The following NELL1 variants were observed in gnomAD, a reference collection of about 807,000 sequenced individuals.
NELL1 encodes protein kinase C-binding protein NELL1.
In NELL1, 76 loss-of-function variants were observed where a neutral mutation model predicts 107.4. The ratio of observed to expected loss-of-function variants is 0.71; its 90% confidence interval spans 0.59 to 0.86. The LOEUF (loss-of-function observed/expected upper bound fraction) is 0.86. Among genes scored for constraint, NELL1 ranks in the 40% least tolerant of loss-of-function variants. The probability of loss-of-function intolerance (pLI) is 0.00; values close to 1 mark genes in which losing one functional copy is unlikely to be tolerated. For synonymous variants in NELL1, 353 were observed against 341.2 expected (o/e 1.03, Z -0.38); for missense variants, 1,024 against 1,005.5 (o/e 1.02, Z -0.25).
In NELL1 at chr11:21,427,289, T is replaced by C. The variant is rs570853357; in HGVS notation, c.1645+56341T>C. ...ACATAAAACCTAACAGTAAAGGGGA[T>C]TCTGGACTATGTAATTCTCAATCTC... is the stretch of plus-strand genomic sequence containing the variant. On this transcript the variant is annotated intron_variant, in intron 15 of 19. Transcript: ENST00000357134. Among the ~76,000 whole-genome samples, 13 of 152,350 alleles carry C rather than the reference T, an allele frequency of 8.5e-5. No homozygotes were observed. The East Asian group carries it at 1.2e-3, about 14-fold the overall frequency.
At chr11:20,893,575 G>T (rs934233664) in intron 5 of NELL1, among the ~76,000 whole-genome samples, 1 of 151,366 alleles carries the variant, frequency 6.6e-6, no homozygotes, top group African/African-American at 2.4e-5. Flanking sequence ...CAAAATAATA[G>T]AAATCATGTT....
At chr11:21,538,002 TCTTAATAA>T (rs1167944454) in intron 16 of NELL1, among the ~76,000 whole-genome samples, 12 of 152,288 alleles carry the variant, frequency 7.9e-5, no homozygotes, top group Admixed American at 2.6e-4. Flanking sequence ...GTACTCTGGA[TCTTAATAA>T]CATAGCTTAA....
intron 3 of NELL1, among the ~76,000 whole-genome samples, chr11:20,816,431 A>T (rs1483330222): frequency 2.0e-5 from 3 of 152,124 alleles, no homozygotes; most frequent in East Asian, 1.9e-4. Context: ...TTAGTTCTTG[A>T]TTTGGCTCTC....
intron 12 of NELL1, among the ~76,000 whole-genome samples, chr11:21,014,610 C>T (rs955473024): frequency 6.6e-5 from 10 of 152,058 alleles, no homozygotes; most frequent in African/African-American, 2.4e-4. Context: ...AATTATTTGC[C>T]TGCAAATTGC....
chr11:21,363,495 T>C (rs1288991222), intron 14 of NELL1, among the ~76,000 whole-genome samples: 1 of 152,182 alleles, frequency 6.6e-6, no homozygotes, highest in Non-Finnish European at 1.5e-5. Context: ...ATTGGTGAAT[T>C]CCTTCAGTTT....
intron 2 of NELL1, among the ~76,000 whole-genome samples, chr11:20,681,695 T>G (rs1424994778): frequency 6.6e-6 from 1 of 152,090 alleles, no homozygotes; most frequent in Non-Finnish European, 1.5e-5. Context: ...ATTTATTATC[T>G]TATACTTCTA....
chr11:20,719,853 T>C (rs1272278663), intron 2 of NELL1, among the ~76,000 whole-genome samples: 1 of 152,068 alleles, frequency 6.6e-6, no homozygotes, highest in Non-Finnish European at 1.5e-5. Context: ...ATACTCACAA[T>C]TAATTTTGAG....
chr11:21,085,351 A>C (rs947758404), intron 12 of NELL1, among the ~76,000 whole-genome samples: 3 of 152,174 alleles, frequency 2.0e-5, no homozygotes. Flanking sequence ...AGTTTATTTT[A>C]GTCTGGGCAC....
chr11:21,440,781 G>C (rs918321564), intron 15 of NELL1, among the ~76,000 whole-genome samples: 5 of 152,114 alleles, frequency 3.3e-5, no homozygotes, highest in African/African-American at 7.2e-5. Flanking sequence ...GGAATAAAAG[G>C]CCTTGGTATT....
chr11:20,967,102 G>T (rs1485752285), intron 12 of NELL1, among the ~76,000 whole-genome samples: 1 of 152,020 alleles, frequency 6.6e-6, no homozygotes, highest in East Asian at 1.9e-4. Context: ...TTATTTGCAA[G>T]ATATATGCAG....
chr11:20,847,613 G>T lies in NELL1; in HGVS notation c.366G>T (p.Arg122Ser), dbSNP rs267602818. Residue 122 changes from arginine (R) to serine (S), a missense_variant, in exon 4 of 20, where the codon AGG (arginine) becomes AGT (serine). Transcript: ENST00000357134. ...TTGAACTGGAGAGCAGTGGCCTGAG[G>T]GATGAGATTCGGTATCACTACATAC... ...SYFELESSGL[R>S]DEIRYHYIHN... 3 of 1,613,724 alleles carry T rather than the reference G, an allele frequency of 1.9e-6. No individual in the cohort carries two copies. In the East Asian group the frequency reaches 6.7e-5, roughly 36 times the overall value.
At chr11:21,057,274 A>T (rs1853635722) in intron 12 of NELL1, among the ~76,000 whole-genome samples, 1 of 152,082 alleles carries the variant, frequency 6.6e-6, no homozygotes, top group African/African-American at 2.4e-5. Context: ...GATTAGATGC[A>T]TTTTTCATCT....
At chr11:21,565,682 G>T (rs1009267118) in intron 17 of NELL1, among the ~76,000 whole-genome samples, 1 of 151,858 alleles carries the variant, frequency 6.6e-6, no homozygotes, top group African/African-American at 2.4e-5. Flanking sequence ...CATCACAGTG[G>T]AAAATCATTG....
At chr11:21,263,216 C>T (rs961536484) in intron 14 of NELL1, among the ~76,000 whole-genome samples, 2 of 151,808 alleles carry the variant, frequency 1.3e-5, no homozygotes, top group African/African-American at 4.8e-5. Context: ...TTTGCTGTGG[C>T]TTTTGTCTTT....
At chr11:20,846,747 G>A (rs1848708181) in intron 3 of NELL1, among the ~76,000 whole-genome samples, 1 of 152,156 alleles carries the variant, frequency 6.6e-6, no homozygotes, top group African/African-American at 2.4e-5. Flanking sequence ...GAAATACCTA[G>A]TGCAAGCCCT....
intron 12 of NELL1, among the ~76,000 whole-genome samples, chr11:21,011,911 T>C (rs1398638188): frequency 2.6e-5 from 4 of 152,174 alleles, no homozygotes; most frequent in African/African-American, 9.6e-5. Flanking sequence ...TTTATTTTCA[T>C]GTTCAACTTC....
intron 2 of NELL1, among the ~76,000 whole-genome samples, chr11:20,726,839 A>G (rs1855520026): frequency 6.6e-6 from 1 of 151,708 alleles, no homozygotes; most frequent in Non-Finnish European, 1.5e-5. Context: ...GAGTGAGAAC[A>G]TGCAGTGTTT....
At chr11:20,797,565 C>CGAAAAAAAAA (rs1857196760) in intron 3 of NELL1, among the ~76,000 whole-genome samples, 1 of 69,296 alleles carries the variant, frequency 1.4e-5, no homozygotes, top group African/African-American at 6.2e-5. Context: ...GACTCCATCT[C>CGAAAAAAAAA]AAAAAAAAAA....
At chr11:20,974,940 A>G (rs956222218) in intron 12 of NELL1, among the ~76,000 whole-genome samples, 1 of 152,100 alleles carries the variant, frequency 6.6e-6, no homozygotes, top group Non-Finnish European at 1.5e-5. Flanking sequence ...ACAAATTGCA[A>G]CTCATTTTTA....
Sources: gnomAD v4.1 joint callset for allele counts (sites outside exome capture counted in the v4.1 genomes callset) on GRCh38, gnomAD v4.1.1 for gene constraint, MANE v1.5 for transcripts, NCBI Gene and HGNC (gene_info 2026-07-23, HGNC 2026-07-21) for gene names.